Variants in C16orf74 observed in about 807,000 individuals in gnomAD.
The protein encoded by C16orf74 is calcimembrin, also known as uncharacterized protein C16orf74.
A neutral mutation model predicts 6.5 loss-of-function variants in C16orf74; 10 were observed. That is an observed-to-expected ratio of 1.54 (90% CI 0.95 to 2.61). The LOEUF is 2.61. C16orf74 is among the 30% of genes most tolerant of loss of function. C16orf74 has a pLI of 0.00. For synonymous variants in C16orf74, 60 were observed against 42.5 expected (o/e 1.41, Z -1.60); for missense variants, 141 against 105.9 (o/e 1.33, Z -1.45).
At chr16:85,738,550 C>G (rs1403910508) in intron 1 of C16orf74, among the ~76,000 whole-genome samples, 4 of 151,340 alleles carry the variant, frequency 2.6e-5, no homozygotes, top group Admixed American at 6.6e-5. Flanking sequence ...AGGCTGGTCT[C>G]GAACTCCTGA....
chr16:85,715,320 G>C lies in C16orf74; in HGVS notation c.29-5013C>G, dbSNP rs182108153. Among the ~76,000 whole-genome samples the C allele has an allele frequency of 2.7e-3, 416 of 152,266 alleles. 4 individuals are homozygous for C. The highest frequency in any genetic ancestry group is 9.6e-3 in the African/African-American group (398 of 41,546). On this transcript the variant is annotated intron_variant, in intron 2 of 3. Coordinates refer to ENST00000284245, the MANE Select transcript of C16orf74 (RefSeq NM_206967.3). ...CGCCCAGACAATCTACTGGGGCCGA[G>C]GCGTGCGCTCCTTCAGGCTCCATGG... is the stretch of plus-strand genomic sequence containing the variant.
chr16:85,730,000 C>T (rs983684673), intron 2 of C16orf74, among the ~76,000 whole-genome samples: 12 of 152,306 alleles, frequency 7.9e-5, no homozygotes, highest in African/African-American at 2.4e-4. Flanking sequence ...GTGGGCAGAT[C>T]CCATCCCAGC....
At chr16:85,715,460 C>A (rs2054014035) in intron 2 of C16orf74, among the ~76,000 whole-genome samples, 1 of 152,184 alleles carries the variant, frequency 6.6e-6, no homozygotes, top group Non-Finnish European at 1.5e-5. Context: ...GGATCCATCC[C>A]CAGACTGGAA....
At chr16:85,708,447 C>T (rs2053935314) in intron 3 of C16orf74, among the ~76,000 whole-genome samples, 1 of 152,162 alleles carries the variant, frequency 6.6e-6, no homozygotes, top group Non-Finnish European at 1.5e-5. Flanking sequence ...GCGCCTCTGT[C>T]CGCCCACACT....
Position 85,710,174 on chromosome 16 carries a change from C to T in C16orf74, c.162G>A (p.Leu54=), listed in dbSNP as rs201669939. The T allele has an allele frequency of 2.1e-4, 302 of 1,458,344 alleles. 1 individual carries two copies. In the African/African-American group the frequency reaches 4.3e-3, roughly 21 times the overall value. The allele number at this position is 1,458,344 out of a possible 1,614,324, so 90.3% of individuals were successfully genotyped here. The part of the protein sequence containing the change: ...TPTGMMLPRD[L]GSTVWLDETG... ...AGGGGACGGCCTCACCTGTGCTCCC[C>T]AAGTCCCTCGGCAGCATCATGCCCG... The change falls in exon 3 of 4, where the codon TTG becomes TTA. Residue 54 remains leucine (L), a synonymous_variant. Coordinates refer to ENST00000284245, the MANE Select transcript of C16orf74 (RefSeq NM_206967.3).
chr16:85,750,592 T>G (rs1280226905), intron 1 of C16orf74, among the ~76,000 whole-genome samples: 1 of 152,212 alleles, frequency 6.6e-6, no homozygotes, highest in Non-Finnish European at 1.5e-5. Flanking sequence ...AATGGCGTTC[T>G]GGTCCATTCC....
rs1204636454 is a variant in C16orf74, at chr16:85,748,953, A to AT, written c.-19+1972dup. Among the ~76,000 whole-genome samples, 26 of 114,668 alleles carry AT rather than the reference A, an allele frequency of 2.3e-4. No homozygotes were observed. In the East Asian group the frequency reaches 3.2e-3, roughly 14 times the overall value. The allele number at this position is 114,668 out of a possible 152,430, so 75.2% of individuals were successfully genotyped here. A position where few individuals can be genotyped will look rare whatever the true frequency, so the allele number is the denominator to read the frequency against. ...TTTTTTTTTTTTTTTTTTTTATTTTATTTTTTTTTAGAGAAAGGAGTCTCA... is the reference window on the plus strand; with the variant it reads ...TTTTTTTTTTTTTTTTTTTTATTTTATTTTTTTTTTAGAGAAAGGAGTCTCA... On this transcript the variant is annotated intron_variant, in intron 1 of 3. Coordinates refer to ENST00000284245, the MANE Select transcript of C16orf74 (RefSeq NM_206967.3).
chr16:85,720,683 G>GCAC (rs2054073149), intron 2 of C16orf74, among the ~76,000 whole-genome samples: 2 of 149,996 alleles, frequency 1.3e-5, no homozygotes, highest in African/African-American at 4.9e-5. Context: ...GGCTGAGAAG[G>GCAC]GAGGATTGCT....
rs146469924 is a variant in C16orf74, at chr16:85,728,516, G to A, written c.28+6674C>T. Among the ~76,000 whole-genome samples the A allele has an allele frequency of 2.7e-3, 417 of 152,226 alleles. 2 individuals carry two copies. Among genetic ancestry groups the A allele is most frequent in the African/African-American group, 9.4e-3 (392 of 41,520 alleles). On this transcript the variant is annotated intron_variant, in intron 2 of 3. Coordinates refer to ENST00000284245, the MANE Select transcript of C16orf74 (RefSeq NM_206967.3). ...ACTGGAGTTAACCCAGGCTGGAGCT[G>A]ACGCCCACCCCGCCCCCACAGAACC...
At chr16:85,708,561 C>T (rs941223338) in intron 3 of C16orf74, among the ~76,000 whole-genome samples, 8 of 152,220 alleles carry the variant, frequency 5.3e-5, no homozygotes, top group African/African-American at 1.4e-4. Flanking sequence ...CACTGTCCCT[C>T]TCTGGACCTG....
intron 2 of C16orf74, among the ~76,000 whole-genome samples, chr16:85,729,839 C>T (rs1364867523): frequency 6.6e-6 from 1 of 152,162 alleles, no homozygotes; most frequent in African/African-American, 2.4e-5. Context: ...AAGGTTCCTC[C>T]TTTGGCGCTG....
chr16:85,715,317 C>T lies in C16orf74; in HGVS notation c.29-5010G>A, dbSNP rs560112773. On this transcript the variant is annotated intron_variant, in intron 2 of 3. Transcript: ENST00000284245. ...CACCGCCCAGACAATCTACTGGGGC[C>T]GAGGCGTGCGCTCCTTCAGGCTCCA... Among the ~76,000 whole-genome samples the T allele has an allele frequency of 1.6e-3, 250 of 152,272 alleles. 1 individual carries two copies. The highest frequency in any genetic ancestry group is 5.9e-3 in the African/African-American group (246 of 41,540).
At chr16:85,739,951 T>C (rs1449917213) in intron 1 of C16orf74, among the ~76,000 whole-genome samples, 1 of 151,992 alleles carries the variant, frequency 6.6e-6, no homozygotes, top group East Asian at 1.9e-4. Flanking sequence ...GGCTCATGCC[T>C]GTAATCCCAG....
chr16:85,732,922 C>A (rs1171475269), intron 2 of C16orf74, among the ~76,000 whole-genome samples: 1 of 152,146 alleles, frequency 6.6e-6, no homozygotes, highest in Non-Finnish European at 1.5e-5. Context: ...AGCTCCCAGC[C>A]CCACGAGCCC....
chr16:85,719,900 C>T (rs1406474660), intron 2 of C16orf74, among the ~76,000 whole-genome samples: 1 of 151,256 alleles, frequency 6.6e-6, no homozygotes, highest in African/African-American at 2.4e-5. Context: ...GGCCACAGCA[C>T]ACGCAAAGGC....
At chr16:85,713,489 T>C (rs1240404186) in intron 2 of C16orf74, among the ~76,000 whole-genome samples, 1 of 152,184 alleles carries the variant, frequency 6.6e-6, no homozygotes, top group Non-Finnish European at 1.5e-5. Flanking sequence ...GCCAGGCTGG[T>C]CTCAAACTCC....
rs567598164 is a variant in C16orf74 at position 85,744,641 on chromosome 16, T to C, written c.-19+6285A>G. On this transcript the variant is annotated intron_variant, in intron 1 of 3. Transcript: ENST00000284245. ...GTCAGGAGATCGAGACCATCCTGGC[T>C]AACACGGTGAAACCCTGTCTCTACT... Among the ~76,000 whole-genome samples the C allele has an allele frequency of 2.0e-4, 30 of 151,754 alleles. No individual in the cohort carries two copies. The East Asian group carries it at 2.7e-3, about 14-fold the overall frequency.
Position 85,710,300 on chromosome 16 carries a change from T to C in C16orf74, c.36A>G (p.Gln12=), listed in dbSNP as rs141454251. The change falls in exon 3 of 4, where the codon CAA becomes CAG. Residue 12 remains glutamine, a synonymous_variant. Coordinates refer to ENST00000284245, the MANE Select transcript of C16orf74 (RefSeq NM_206967.3). ...GLKMSCLKGF[Q]MCVSSSSSSH... The stretch of plus-strand genomic sequence containing the variant: ...TGCTGCTGCTGCTGCTGACACACAT[T>C]TGAAAGCCTGAGAAGCCAGGCGTGG... 4 of 1,509,512 alleles carry C rather than the reference T, an allele frequency of 2.6e-6. No homozygotes were observed. The African/African-American group carries it at 5.8e-5, about 22-fold the overall frequency. 93.5% of individuals were successfully genotyped at this position (1,509,512 alleles called of 1,614,324 possible). A position where few individuals can be genotyped will look rare whatever the true frequency, so the allele number is the denominator to read the frequency against.
At chr16:85,709,068 C>G (rs562045699) in intron 3 of C16orf74, among the ~76,000 whole-genome samples, 3 of 152,342 alleles carry the variant, frequency 2.0e-5, no homozygotes, top group Non-Finnish European at 2.9e-5. Flanking sequence ...TTACCCCTGT[C>G]TAAAATGGGG....
Sources: allele counts gnomAD v4.1 joint callset (sites outside exome capture counted in the v4.1 genomes callset), GRCh38; gene constraint gnomAD v4.1.1; transcripts MANE v1.5; gene names NCBI Gene and HGNC (gene_info 2026-07-23, HGNC 2026-07-21).